The following FARS2 variants were observed in gnomAD, a reference collection of about 807,000 sequenced individuals.
FARS2 encodes phenylalanine--tRNA ligase, mitochondrial.
FARS2 carries 40 observed loss-of-function variants against 46.4 expected under a neutral mutation model. The observed-to-expected ratio is 0.86, with a 90% CI of 0.67 to 1.12. The LOEUF is 1.12. Among genes scored for constraint, FARS2 ranks in the 50% most tolerant of loss-of-function variants. The pLI is 0.00. For synonymous variants in FARS2, 234 were observed against 214.9 expected (o/e 1.09, Z -0.78); for missense variants, 513 against 567.9 (o/e 0.90, Z 0.98).
chr6:5,264,969 T>TG (rs1376185594), intron 1 of FARS2, among the ~76,000 whole-genome samples: 1 of 114,700 alleles, frequency 8.7e-6, no homozygotes, highest in Non-Finnish European at 2.0e-5. Flanking sequence ...GATTTTTAAG[T>TG]GTTTTTTTTT....
intron 5 of FARS2, among the ~76,000 whole-genome samples, chr6:5,604,723 T>C (rs1774732999): frequency 6.6e-6 from 1 of 152,224 alleles, no homozygotes; most frequent in Admixed American, 6.5e-5. Flanking sequence ...TATCGAGGTA[T>C]ACACAGTATA....
the FARS2 span, among the ~76,000 whole-genome samples, chr6:5,255,864 T>C: frequency 6.6e-6 from 1 of 152,178 alleles, no homozygotes; most frequent in Non-Finnish European, 1.5e-5. Context: ...TCAAATAAAA[T>C]CACCCCAGGA....
Position 5,693,964 on chromosome 6 carries a change from C to T in FARS2, c.1218-77327C>T, listed in dbSNP as rs555358577. On this transcript the variant is annotated intron_variant, in intron 6 of 6. Coordinates refer to ENST00000274680, the MANE Select transcript of FARS2 (RefSeq NM_006567.5). Reference sequence around the variant, plus strand: ...CATCATTTCCACCGCCCTCTACTAGCGGGAGCAGTCATAAAAGCCCACCCA... The same window carrying T: ...CATCATTTCCACCGCCCTCTACTAGTGGGAGCAGTCATAAAAGCCCACCCA... Among the ~76,000 whole-genome samples the T allele has an allele frequency of 3.0e-4, 45 of 152,304 alleles. 3 individuals are homozygous for T. The South Asian group carries it at 8.1e-3, about 27-fold the overall frequency.
At chr6:5,308,711 G>A (rs192275561) in intron 1 of FARS2, among the ~76,000 whole-genome samples, 104 of 152,318 alleles carry the variant, frequency 6.8e-4, no homozygotes, top group Non-Finnish European at 1.3e-3. Flanking sequence ...ACAATGTGTT[G>A]CATATTTTCT....
At chr6:5,667,228 GA>G (rs1416890577) in intron 6 of FARS2, among the ~76,000 whole-genome samples, 1 of 152,108 alleles carries the variant, frequency 6.6e-6, no homozygotes, top group Non-Finnish European at 1.5e-5. Flanking sequence ...TAAAAATAAA[GA>G]TTAAATTTGG....
At chr6:5,448,825 G>A (rs536263402) in intron 4 of FARS2, among the ~76,000 whole-genome samples, 1 of 152,260 alleles carries the variant, frequency 6.6e-6, no homozygotes, top group South Asian at 2.1e-4. Context: ...ATTGAATGAG[G>A]GTAAGCAGTG....
Position 5,459,835 on chromosome 6 carries a change from T to G in FARS2, c.904+28663T>G, listed in dbSNP as rs113907090. Among the ~76,000 whole-genome samples the G allele has an allele frequency of 3.4e-3, 523 of 152,326 alleles. 3 individuals are homozygous for G. The highest frequency in any genetic ancestry group is 0.012 in the African/African-American group (503 of 41,570). Reference sequence around the variant, plus strand: ...TTAGAGGCTGCCAGTTTCAACTGTTTGACATCTGAGTCTTTGGAATCATTC... The same window carrying G: ...TTAGAGGCTGCCAGTTTCAACTGTTGGACATCTGAGTCTTTGGAATCATTC... On this transcript the variant is annotated intron_variant, in intron 4 of 6. Coordinates refer to ENST00000274680, the MANE Select transcript of FARS2 (RefSeq NM_006567.5).
intron 6 of FARS2, among the ~76,000 whole-genome samples, chr6:5,638,219 T>C (rs1257655327): frequency 1.3e-5 from 2 of 152,202 alleles, no homozygotes; most frequent in African/African-American, 2.4e-5. Flanking sequence ...AAAGAGCTAC[T>C]ACAGGTACTG....
chr6:5,392,810 A>G (rs1441854107), intron 2 of FARS2, among the ~76,000 whole-genome samples: 2 of 146,846 alleles, frequency 1.4e-5, no homozygotes, highest in African/African-American at 5.0e-5. Flanking sequence ...ATGTATGTGT[A>G]TATATTATAT....
At chr6:5,318,246 C>G (rs746720931) in intron 1 of FARS2, among the ~76,000 whole-genome samples, 1 of 152,036 alleles carries the variant, frequency 6.6e-6, no homozygotes, top group African/African-American at 2.4e-5. Context: ...GTAGTTCCAG[C>G]TACTTGGTTG....
At chr6:5,266,372 A>G (rs1765551331) in intron 1 of FARS2, among the ~76,000 whole-genome samples, 1 of 152,152 alleles carries the variant, frequency 6.6e-6, no homozygotes, top group African/African-American at 2.4e-5. Context: ...TCCATTTAAG[A>G]AAAGTGAAGC....
chr6:5,330,455 G>A (rs750691306), intron 1 of FARS2, among the ~76,000 whole-genome samples: 1 of 152,068 alleles, frequency 6.6e-6, no homozygotes, highest in East Asian at 1.9e-4. Context: ...CTGGCTCCAC[G>A]GGTACCCCAG....
intron 4 of FARS2, among the ~76,000 whole-genome samples, chr6:5,465,040 G>A (rs1161488122): frequency 6.6e-6 from 1 of 152,164 alleles, no homozygotes; most frequent in African/African-American, 2.4e-5. Context: ...TGAAGAGTAT[G>A]TTAGAGTTTT....
At chr6:5,504,409 T>C (rs1767983308) in intron 4 of FARS2, among the ~76,000 whole-genome samples, 1 of 145,110 alleles carries the variant, frequency 6.9e-6, no homozygotes. Flanking sequence ...TTTAAAAATA[T>C]TGGGAATGAA....
chr6:5,533,903 C>T (rs1770020113), intron 4 of FARS2, among the ~76,000 whole-genome samples: 1 of 152,192 alleles, frequency 6.6e-6, no homozygotes, highest in South Asian at 2.1e-4. Context: ...TTGGCAGATA[C>T]CTTTTGTTAC....
intron 1 of FARS2, among the ~76,000 whole-genome samples, chr6:5,273,042 T>A (rs1368091817): frequency 1.3e-5 from 2 of 152,256 alleles, no homozygotes; most frequent in African/African-American, 2.4e-5. Context: ...ACATTTTCTT[T>A]GTCCTTTCAT....
intron 2 of FARS2, among the ~76,000 whole-genome samples, chr6:5,390,326 G>T (rs17133279): frequency 6.6e-6 from 1 of 152,262 alleles, no homozygotes; most frequent in South Asian, 2.1e-4. Context: ...TTTCATCAGC[G>T]TTAGGATTAA....
intron 5 of FARS2, among the ~76,000 whole-genome samples, chr6:5,576,562 A>G (rs540466567): frequency 1.2e-4 from 18 of 147,714 alleles, no homozygotes; most frequent in South Asian, 2.1e-4. Flanking sequence ...TATATCATAT[A>G]TAGAGTATAT....
At chr6:5,260,043 C>T (rs753196015), upstream of FARS2, among the ~76,000 whole-genome samples, 4 of 152,288 alleles carry the variant, frequency 2.6e-5, no homozygotes, top group African/African-American at 7.2e-5. Flanking sequence ...GTCCAGTAAG[C>T]GGGATCTCTG....
Sources: allele counts gnomAD v4.1 joint callset (sites outside exome capture counted in the v4.1 genomes callset), GRCh38; gene constraint gnomAD v4.1.1; transcripts MANE v1.5; gene names NCBI Gene and HGNC (gene_info 2026-07-23, HGNC 2026-07-21).